Variants in P2RX3 observed in about 807,000 individuals in gnomAD.
P2RX3 encodes purinergic receptor P2X 3.
In P2RX3, 41 loss-of-function variants were observed where a neutral mutation model predicts 51.5. The ratio of observed to expected loss-of-function variants is 0.80; its 90% confidence interval spans 0.62 to 1.03. P2RX3 has a LOEUF of 1.03. P2RX3 is among the 50% of genes least tolerant of loss of function. The pLI is 0.00. For synonymous variants in P2RX3, 185 were observed against 191.6 expected, an observed-to-expected ratio of 0.97 and a Z score of 0.29; for missense variants, 459 against 522.1, an observed-to-expected ratio of 0.88 and a Z score of 1.18.
Position 57,370,146 on chromosome 11 carries a change from G to A in P2RX3, c.*149G>A, listed in dbSNP as rs745949693. On this transcript the variant is annotated 3_prime_UTR_variant, in exon 12 of 12. Coordinates refer to ENST00000263314, the MANE Select transcript of P2RX3 (RefSeq NM_002559.5). ...CTGGGACCCAAGTGTCTGGGCCTCC[G>A]ACTGCTCCAGCAGACAGGCAGTGCT... is the stretch of plus-strand genomic sequence containing the variant. 8 of 619,336 alleles carry A rather than the reference G, an allele frequency of 1.3e-5. No individual in the cohort carries two copies. The highest frequency in any genetic ancestry group is 7.4e-5 in the African/African-American group (4 of 54,270). The allele number at this position is 619,336 out of a possible 1,614,324, so 38.4% of individuals were successfully genotyped here.
Position 57,346,691 on chromosome 11 carries a change from C to T in P2RX3, c.255+12C>T, listed in dbSNP as rs754735114. 9 of 1,612,788 alleles carry T rather than the reference C, an allele frequency of 5.6e-6. No homozygotes were observed. Among genetic ancestry groups the T allele is most frequent in the African/African-American group, 2.7e-5 (2 of 74,890 alleles). The stretch of plus-strand genomic sequence containing the variant: ...TGACGCCACCTCAGGTATGGTACCC[C>T]TACCCAGAGAGGCATGTGGATGTCC... On this transcript the variant is annotated intron_variant, in intron 2 of 11. Transcript: ENST00000263314.
At position 57,338,496 on chromosome 11, in the gene P2RX3, C is replaced by A; in HGVS notation, c.-55C>A. 3 of 1,334,572 alleles carry A rather than the reference C, an allele frequency of 2.2e-6. No homozygotes were observed. In the South Asian group the frequency reaches 3.9e-5, roughly 18 times the overall value. 82.7% of individuals were successfully genotyped at this position (1,334,572 alleles called of 1,614,324 possible). A position where few individuals can be genotyped will look rare whatever the true frequency, so the allele number is the denominator to read the frequency against. ...TCTCCCTGTCCTGTAGGACCTCCCT[C>A]TCCTGAGGCCACCACTGGGCCCCCT... On this transcript the variant is annotated 5_prime_UTR_variant, in exon 1 of 12. Coordinates refer to ENST00000263314, the MANE Select transcript of P2RX3 (RefSeq NM_002559.5).
Position 57,350,762 on chromosome 11 carries a change from G to C in P2RX3, c.706G>C (p.Gly236Arg), listed in dbSNP as rs371964035. The change falls in exon 8 of 12, where the codon GGG becomes CGG. Residue 236 changes from glycine to arginine, a missense_variant and splice_region_variant. Physicochemically the swap from Gly to Arg is moderately radical, Grantham distance 125. Transcript: ENST00000263314. ...GQDFAKLART[G>R]GVLGIKIGWV... is the part of the protein sequence containing the mutation. The stretch of plus-strand genomic sequence containing the variant: ...GCTCATACCCGGCCCGTTTCTTCAG[G>C]GGGGAGTTCTGGGCATTAAGATCGG... 5 of 1,613,818 alleles carry C rather than the reference G, an allele frequency of 3.1e-6. No individual in the cohort carries two copies. The highest frequency in any genetic ancestry group is 1.3e-5 in the African/African-American group (1 of 74,834).
chr11:57,361,870 C>G (rs1017487599), intron 8 of P2RX3, among the ~76,000 whole-genome samples: 1 of 152,172 alleles, frequency 6.6e-6, no homozygotes, highest in African/African-American at 2.4e-5. Flanking sequence ...GAAGCCTTGC[C>G]TAACCCCCAG....
chr11:57,338,751 C>A, intron 1 of P2RX3, 82 bp downstream of exon 1: 1 of 927,544 alleles, frequency 1.1e-6, no homozygotes. Flanking sequence ...GTGCTACCAT[C>A]CAGCTTCCTG....
intron 1 of P2RX3, among the ~76,000 whole-genome samples, chr11:57,344,509 G>C (rs955271242): frequency 3.3e-5 from 5 of 152,064 alleles, no homozygotes; most frequent in South Asian, 2.1e-4. Context: ...GACCAGCCTG[G>C]CCAACATGGG....
rs1447497145 is a variant in P2RX3, at chr11:57,352,178, C to G, written c.842+1280C>G. Among the ~76,000 whole-genome samples, 3 of 152,250 alleles carry G rather than the reference C, an allele frequency of 2.0e-5. No homozygotes were observed. The East Asian group carries it at 5.8e-4, about 29-fold the overall frequency. On this transcript the variant is annotated intron_variant, in intron 8 of 11. Transcript: ENST00000263314. ...ACGTAAGCCAAAAATAATCATTTCA[C>G]CTTTTAAAATTGTTAATTTATAACT... is the stretch of plus-strand genomic sequence containing the variant.
intron 8 of P2RX3, among the ~76,000 whole-genome samples, chr11:57,364,646 C>A (rs1856771285): frequency 6.6e-6 from 1 of 152,172 alleles, no homozygotes; most frequent in South Asian, 2.1e-4. Context: ...TGTTCTTAGG[C>A]CCTGTCATCT....
chr11:57,365,798 C>T (rs1486525832), intron 8 of P2RX3, among the ~76,000 whole-genome samples: 1 of 152,208 alleles, frequency 6.6e-6, no homozygotes, highest in Non-Finnish European at 1.5e-5. Context: ...CAGATAGTGG[C>T]ATACGTTCTC....
chr11:57,363,572 T>C (rs1260782210), intron 8 of P2RX3, among the ~76,000 whole-genome samples: 1 of 152,010 alleles, frequency 6.6e-6, no homozygotes, highest in Non-Finnish European at 1.5e-5. Context: ...AGTCCAGAGG[T>C]AACAAACCTC....
intron 1 of P2RX3, among the ~76,000 whole-genome samples, chr11:57,340,032 T>C (rs1318925354): frequency 2.0e-5 from 3 of 152,192 alleles, no homozygotes; most frequent in Non-Finnish European, 4.4e-5. Context: ...CCTTCCAATG[T>C]TGAGGTTTTG....
chr11:57,368,788 G>A (rs1008674533), intron 10 of P2RX3, among the ~76,000 whole-genome samples: 1 of 152,150 alleles, frequency 6.6e-6, no homozygotes, highest in Non-Finnish European at 1.5e-5. Flanking sequence ...GTGGCATGGT[G>A]GGCACATAGC....
chr11:57,349,795 A>T lies in P2RX3; in HGVS notation c.602A>T (p.Lys201Met), dbSNP rs1590628431. ...LLPNLTARDM[K>M]TCRFHPDKDP... is the part of the protein sequence containing the mutation. Reference sequence around the variant, plus strand: ...CCCAACCTGACAGCCAGGGACATGAAGACCTGCCGCTTCCACCCGGACAAG... The same window carrying T: ...CCCAACCTGACAGCCAGGGACATGATGACCTGCCGCTTCCACCCGGACAAG... Residue 201 changes from lysine (K) to methionine (M), a missense_variant, in exon 7 of 12, where the codon AAG becomes ATG. Physicochemically the swap from Lys to Met is moderately conservative, Grantham distance 95. Coordinates refer to ENST00000263314, the MANE Select transcript of P2RX3 (RefSeq NM_002559.5). 2.5e-6 allele frequency: 4 copies of T among 1,614,184 alleles called. No individual in the cohort carries two copies. The highest frequency in any genetic ancestry group is 4.5e-5 in the East Asian group (2 of 44,878).
chr11:57,342,320 C>T (rs1006511486), intron 1 of P2RX3, among the ~76,000 whole-genome samples: 2 of 151,896 alleles, frequency 1.3e-5, no homozygotes, highest in Non-Finnish European at 2.9e-5. Flanking sequence ...CCACGACGCC[C>T]GGCTAATTTT....
chr11:57,361,359 T>C (rs751516020), intron 8 of P2RX3, among the ~76,000 whole-genome samples: 5 of 152,204 alleles, frequency 3.3e-5, no homozygotes, highest in African/African-American at 7.2e-5. Context: ...GGTAAACGTG[T>C]GCCGTGGTAG....
intron 8 of P2RX3, among the ~76,000 whole-genome samples, chr11:57,365,410 GC>G: frequency 6.6e-6 from 1 of 152,178 alleles, no homozygotes; most frequent in Non-Finnish European, 1.5e-5. Flanking sequence ...CCACCTCAGT[GC>G]CCTGGCCTCT....
At chr11:57,356,264 C>T (rs913461354) in intron 8 of P2RX3, among the ~76,000 whole-genome samples, 21 of 152,026 alleles carry the variant, frequency 1.4e-4, no homozygotes, top group Non-Finnish European at 2.4e-4. Flanking sequence ...GCATGCCTTG[C>T]GCCATCACAT....
chr11:57,355,118 G>T (rs1399569246), intron 8 of P2RX3, among the ~76,000 whole-genome samples: 1 of 152,204 alleles, frequency 6.6e-6, no homozygotes, highest in East Asian at 1.9e-4. Context: ...GGGCGAGGAA[G>T]GGAGGAGCAC....
chr11:57,346,436 C>A, intron 1 of P2RX3, 108 bp from the exon 2 acceptor site: 2 of 1,387,276 alleles, frequency 1.4e-6, no homozygotes, highest in East Asian at 2.3e-5. Flanking sequence ...CATCCGCACA[C>A]CCTGCCAGGC....
Sources: gnomAD v4.1 joint callset for allele counts (sites outside exome capture counted in the v4.1 genomes callset) on GRCh38, gnomAD v4.1.1 for gene constraint, MANE v1.5 for transcripts, NCBI Gene and HGNC (gene_info 2026-07-23, HGNC 2026-07-21) for gene names.